Variants in CHIC2 observed in about 807,000 individuals in gnomAD.
The protein encoded by CHIC2 is cysteine-rich hydrophobic domain-containing protein 2.
In CHIC2, 14 loss-of-function variants were observed where a neutral mutation model predicts 25.9. The observed-to-expected ratio is 0.54, with a 90% CI of 0.36 to 0.85. CHIC2 has a LOEUF of 0.85. CHIC2 is among the 40% of genes least tolerant of loss of function. CHIC2 has a pLI of 0.01. For synonymous variants in CHIC2, 70 were observed against 72.0 expected (o/e 0.97, Z 0.14); for missense variants, 146 against 202.0 (o/e 0.72, Z 1.68).
At chr4:54,084,441 T>C in the CHIC2 span, among the ~76,000 whole-genome samples, 9 of 151,988 alleles carry the variant, frequency 5.9e-5, no homozygotes, top group Middle Eastern at 3.4e-3. Context: ...GTGATTATAT[T>C]AGGCCCATAT....
At chr4:54,047,855 A>T (rs1716883492) in intron 3 of CHIC2, among the ~76,000 whole-genome samples, 1 of 151,958 alleles carries the variant, frequency 6.6e-6, no homozygotes, top group Non-Finnish European at 1.5e-5. Context: ...TAAAAAATAA[A>T]ATTTATTTAT....
rs202089388 is a variant in CHIC2, at chr4:54,014,078, A to G, written c.372T>C (p.Asn124=). Residue 124 remains asparagine (N), a synonymous_variant, in exon 4 of 6, where the codon AAT becomes AAC. Coordinates refer to ENST00000263921, the MANE Select transcript of CHIC2 (RefSeq NM_012110.4). ...TGGTACTCACCTTGTGGTATAACCT[A>G]TTGTTTTCCCATTCTAATAACTTCT... ...SIEKLLEWEN[N]RLYHKLCLHW... 45 of 1,613,354 alleles carry G rather than the reference A, an allele frequency of 2.8e-5. No individual in the cohort carries two copies. The African/African-American group carries it at 5.7e-4, about 21-fold the overall frequency.
At chr4:54,060,529 T>C (rs111252402) in intron 1 of CHIC2, 3 of 152,160 alleles carry the variant, frequency 2.0e-5, no homozygotes, top group Admixed American at 6.5e-5. Context: ...ACAAGAAGGG[T>C]AGAAAGTGGA....
intron 3 of CHIC2, among the ~76,000 whole-genome samples, chr4:54,043,811 C>T (rs1716675160): frequency 6.6e-6 from 1 of 152,082 alleles, no homozygotes. Context: ...CAATAATAAC[C>T]TTAAATGTAA....
chr4:54,050,733 G>T (rs1716983739), intron 1 of CHIC2, among the ~76,000 whole-genome samples: 1 of 151,994 alleles, frequency 6.6e-6, no homozygotes, highest in Non-Finnish European at 1.5e-5. Flanking sequence ...TAAGGGCTAT[G>T]GGCTATACCA....
intron 1 of CHIC2, among the ~76,000 whole-genome samples, chr4:54,053,249 C>T (rs1229531891): frequency 2.0e-5 from 3 of 152,070 alleles, no homozygotes; most frequent in Non-Finnish European, 4.4e-5. Flanking sequence ...GTATGTAAAA[C>T]GGGTCTTAAA....
chr4:54,059,757 CA>C (rs35400347), intron 1 of CHIC2: 2 of 152,000 alleles, frequency 1.3e-5, no homozygotes, highest in Non-Finnish European at 2.9e-5. Context: ...GCAATTCTGA[CA>C]AAATCCAAAG....
At chr4:54,034,404 C>CAAAAAAAA (rs34526100) in intron 3 of CHIC2, among the ~76,000 whole-genome samples, 1 of 145,388 alleles carries the variant, frequency 6.9e-6, no homozygotes. Context: ...AACTCTGTCT[C>CAAAAAAAA]AAAAAAAAAA....
At chr4:54,047,591 T>G (rs113327779) in intron 3 of CHIC2, among the ~76,000 whole-genome samples, 1 of 143,654 alleles carries the variant, frequency 7.0e-6, no homozygotes, top group Non-Finnish European at 1.5e-5. Context: ...TAGGTGGGAA[T>G]TGAACAATGA....
intron 1 of CHIC2, among the ~76,000 whole-genome samples, 198 bp from the exon 2 acceptor site, chr4:54,049,503 A>C (rs1716937846): frequency 6.6e-6 from 1 of 152,192 alleles, no homozygotes; most frequent in African/African-American, 2.4e-5. Context: ...GTTAAATGGA[A>C]ACTTTTGCAT....
the CHIC2 span, among the ~76,000 whole-genome samples, chr4:54,085,335 G>T: frequency 6.6e-6 from 1 of 152,124 alleles, no homozygotes; most frequent in Non-Finnish European, 1.5e-5. Flanking sequence ...CAATGATCTC[G>T]TAGGGGGATG....
upstream of CHIC2, among the ~76,000 whole-genome samples, chr4:54,064,969 A>T (rs1717478180): frequency 6.6e-6 from 1 of 152,226 alleles, no homozygotes; most frequent in Non-Finnish European, 1.5e-5. This position sits in a 1 kb window ranked among gnomAD's most constrained non-coding sequence, Gnocchi z 4.2. Context: ...TAACCAAAAC[A>T]AACAACTGAA....
chr4:54,040,792 T>C (rs2110078283), intron 3 of CHIC2, among the ~76,000 whole-genome samples: 1 of 149,120 alleles, frequency 6.7e-6, no homozygotes, highest in South Asian at 2.1e-4. Context: ...GCAGGAGAAT[T>C]GCTTGAACCT....
chr4:54,088,628 G>T, the CHIC2 span, among the ~76,000 whole-genome samples: 4 of 152,182 alleles, frequency 2.6e-5, no homozygotes, highest in Admixed American at 1.3e-4. Flanking sequence ...GACAGCCATG[G>T]TGGCATCATG....
chr4:54,043,954 G>A (rs1420237038), intron 3 of CHIC2, among the ~76,000 whole-genome samples: 2 of 152,136 alleles, frequency 1.3e-5, no homozygotes, highest in East Asian at 3.9e-4. Flanking sequence ...AAGGGATGGA[G>A]GAAGATCTAC....
At chr4:54,062,318 C>T (rs1023659712) in intron 1 of CHIC2, among the ~76,000 whole-genome samples, 16 of 150,022 alleles carry the variant, frequency 1.1e-4, no homozygotes, top group African/African-American at 4.1e-4. Context: ...ACATTAGAAT[C>T]ACCTGTGAGA....
the CHIC2 span, among the ~76,000 whole-genome samples, chr4:54,089,425 A>G: frequency 6.6e-6 from 1 of 151,654 alleles, no homozygotes; most frequent in Non-Finnish European, 1.5e-5. Flanking sequence ...ACACACACAT[A>G]TATAGTGATC....
At chr4:54,019,696 A>T (rs997803477) in intron 3 of CHIC2, among the ~76,000 whole-genome samples, 3 of 152,192 alleles carry the variant, frequency 2.0e-5, no homozygotes, top group Non-Finnish European at 4.4e-5. Context: ...CTAACATTTT[A>T]AAAAACTAAA....
chr4:54,082,412 C>A, the CHIC2 span, among the ~76,000 whole-genome samples: 1 of 152,156 alleles, frequency 6.6e-6, no homozygotes, highest in Non-Finnish European at 1.5e-5. Context: ...TGTCAACAGA[C>A]CTTGTGGATA....
Sources: gnomAD v4.1 joint callset for allele counts (sites outside exome capture counted in the v4.1 genomes callset) on GRCh38, gnomAD v4.1.1 for gene constraint, Gnocchi (gnomAD v3.1) non-coding constraint, MANE v1.5 for transcripts, NCBI Gene and HGNC (gene_info 2026-07-23, HGNC 2026-07-21) for gene names.